Variants in ZNF525 observed in about 807,000 individuals in gnomAD.
ZNF525 encodes the protein zinc finger protein 525.
A neutral mutation model predicts 37.6 loss-of-function variants in ZNF525; 33 were observed. The ratio of observed to expected loss-of-function variants is 0.88; its 90% CI spans 0.67 to 1.17. ZNF525 has a LOEUF of 1.17. Among genes scored for constraint, ZNF525 ranks in the 50% most tolerant of loss-of-function variants. ZNF525 has a pLI of 0.00. For synonymous variants in ZNF525, 170 were observed against 182.3 expected, an observed-to-expected ratio of 0.93 and a Z score of 0.54; for missense variants, 449 against 543.1, an observed-to-expected ratio of 0.83 and a Z score of 1.72.
In ZNF525 at chr19:53,367,453, A is replaced by G. The variant is rs114263044; in HGVS notation, c.-68+1694A>G. On this transcript the variant is annotated intron_variant, in intron 1 of 3. Transcript: ENST00000474037. Reference sequence around the variant, plus strand: ...TTTAGGCACAGGCTGATATTTATACAGAGCTATTAGCTGAGTGGTAGTCTG... The same window carrying G: ...TTTAGGCACAGGCTGATATTTATACGGAGCTATTAGCTGAGTGGTAGTCTG... 5.9e-3 allele frequency among the ~76,000 whole-genome samples: 893 copies of G among 152,314 alleles called. 7 individuals are homozygous for G. Among genetic ancestry groups the G allele is most frequent in the African/African-American group, 0.019 (803 of 41,564 alleles).
At chr19:53,370,556 C>T (rs761478574) in intron 1 of ZNF525, among the ~76,000 whole-genome samples, 2 of 152,088 alleles carry the variant, frequency 1.3e-5, no homozygotes, top group African/African-American at 2.4e-5. Context: ...AAAAGCTCAA[C>T]CCGAGTGACC....
chr19:53,369,678 G>A (rs996608959), intron 1 of ZNF525, among the ~76,000 whole-genome samples: 8 of 145,500 alleles, frequency 5.5e-5, no homozygotes, highest in Admixed American at 2.1e-4. Flanking sequence ...ATTAAACGTC[G>A]GGAACCAAAG....
chr19:53,375,702 C>G, intron 2 of ZNF525, 68 bp from the exon 3 acceptor site: 4 of 1,613,346 alleles, frequency 2.5e-6, no homozygotes, highest in South Asian at 2.2e-5. Flanking sequence ...CCTCTCTCCT[C>G]TTCTCATTTT....
intron 3 of ZNF525, among the ~76,000 whole-genome samples, 178 bp from the exon 4 acceptor site, chr19:53,380,544 A>G (rs577748648): frequency 1.3e-5 from 2 of 152,304 alleles, no homozygotes; most frequent in South Asian, 4.1e-4. Flanking sequence ...TGTGCCCTTC[A>G]GTGTTTTGTC....
In ZNF525 at chr19:53,384,865, G is replaced by C; in HGVS notation, c.*2846G>C. 6 of 680,380 alleles carry C rather than the reference G, an allele frequency of 8.8e-6. No homozygotes were observed. The highest frequency in any genetic ancestry group is 6.3e-5 in the South Asian group (4 of 63,314). The allele number at this position is 680,380 out of a possible 1,614,324, so 42.1% of individuals were successfully genotyped here. A position where few individuals can be genotyped will look rare whatever the true frequency, so the allele number is the denominator to read the frequency against. ...GAGCATTCTTGCATCATGTGAGATC[G>C]TACAGGAAAGCATTCCATTTTCCCT... On this transcript the variant is annotated 3_prime_UTR_variant, in exon 4 of 4. Coordinates refer to ENST00000474037, the MANE Select transcript of ZNF525 (RefSeq NM_001348156.2).
chr19:53,371,879 G>A (rs1259732325), intron 1 of ZNF525, among the ~76,000 whole-genome samples: 1 of 152,096 alleles, frequency 6.6e-6, no homozygotes, highest in Non-Finnish European at 1.5e-5. Context: ...AAACTCCTGA[G>A]CTCAAGCGAT....
intron 1 of ZNF525, among the ~76,000 whole-genome samples, chr19:53,371,037 A>G (rs1269013992): frequency 2.0e-5 from 3 of 151,916 alleles, no homozygotes; most frequent in Non-Finnish European, 4.4e-5. Flanking sequence ...CTCTTAACCT[A>G]TGTCCCTAAA....
At chr19:53,369,715 CTTTTTTTTTTTTTTTTTTTT>C (rs57431960) in intron 1 of ZNF525, among the ~76,000 whole-genome samples, 861 of 81,254 alleles carry the variant, frequency 0.011, 92 homozygotes, top group African/African-American at 0.049. Context: ...AAAGAAGTTT[CTTTTTTTTTTTTTTTTTTTT>C]TTTTTTTTTG....
chr19:53,370,292 G>A (rs2085478125), intron 1 of ZNF525, among the ~76,000 whole-genome samples: 2 of 151,154 alleles, frequency 1.3e-5, no homozygotes, highest in African/African-American at 4.9e-5. Context: ...TTGGGTGGAT[G>A]CCTGTAGTCC....
intron 2 of ZNF525, among the ~76,000 whole-genome samples, chr19:53,374,251 G>A (rs981562263): frequency 1.3e-5 from 2 of 152,082 alleles, no homozygotes; most frequent in Non-Finnish European, 2.9e-5. Flanking sequence ...ACCTCAGTGT[G>A]TTTTGTTTTC....
chr19:53,377,175 C>G (rs1160724905), intron 3 of ZNF525, among the ~76,000 whole-genome samples: 1 of 152,006 alleles, frequency 6.6e-6, no homozygotes, highest in Non-Finnish European at 1.5e-5. Flanking sequence ...TTTTATTTGC[C>G]TATTTATTTA....
In ZNF525 at chr19:53,381,163, A is replaced by C. The variant is rs1247808544; in HGVS notation, c.584A>C (p.Asn195Thr). ...CATATATCTAATAACTATGGGGATA[A>C]TTTTCTGAATTATTCATTACTCACA... Reference protein sequence around the residue: ...KTHISNNYGDNFLNYSLLTQR... With the variant: ...KTHISNNYGDTFLNYSLLTQR... Residue 195 changes from asparagine to threonine, a missense_variant, in exon 4 of 4, where the codon AAT becomes ACT. Transcript: ENST00000474037. The C allele has an allele frequency of 1.5e-6, 2 of 1,364,972 alleles. No homozygotes were observed. Among genetic ancestry groups the C allele is most frequent in the African/African-American group, 1.4e-5 (1 of 69,916 alleles). 84.6% of individuals were successfully genotyped at this position (1,364,972 alleles called of 1,614,324 possible). A position where few individuals can be genotyped will look rare whatever the true frequency, so the allele number is the denominator to read the frequency against.
intron 1 of ZNF525, among the ~76,000 whole-genome samples, chr19:53,369,179 G>A (rs2085468179): frequency 6.6e-6 from 1 of 152,046 alleles, no homozygotes; most frequent in Non-Finnish European, 1.5e-5. Context: ...TGAAAACTTG[G>A]AGTTATAAGA....
At chr19:53,380,283 C>T (rs1318503197) in intron 3 of ZNF525, among the ~76,000 whole-genome samples, 2 of 151,958 alleles carry the variant, frequency 1.3e-5, no homozygotes, top group African/African-American at 2.4e-5. Flanking sequence ...CTTATCTTCT[C>T]AGTGCTATGA....
chr19:53,374,459 C>G (rs576681960), intron 2 of ZNF525, among the ~76,000 whole-genome samples: 6 of 152,318 alleles, frequency 3.9e-5, no homozygotes, highest in Admixed American at 1.3e-4. Context: ...CACGTGCCTG[C>G]ATTCCTACAG....
intron 3 of ZNF525, 74 bp downstream of exon 3, chr19:53,375,970 G>C: frequency 1.9e-6 from 3 of 1,607,280 alleles, no homozygotes; most frequent in Non-Finnish European, 1.7e-6. Context: ...TTTAGATAGA[G>C]TATCTCTCTC....
In ZNF525 at chr19:53,381,891, CTG is replaced by C. The variant is rs1452791789; in HGVS notation, c.1314_1315del (p.Tyr439GlnfsTer3). 4.0e-6 allele frequency: 4 copies of C among 997,388 alleles called. No homozygotes were observed. The African/African-American group carries it at 4.7e-5, about 12-fold the overall frequency. 61.8% of individuals were successfully genotyped at this position (997,388 alleles called of 1,614,324 possible). Reference sequence around the variant, plus strand: ...TAGGAGAATTCATAATGGAGAGAAACTGTACAAATGTAATGAGTGTGGCAAGA... The same window carrying C: ...TAGGAGAATTCATAATGGAGAGAAACTACAAATGTAATGAGTGTGGCAAGA... ...RHRRIHNGEK[L>X]YKCNECGKTF... is the part of the protein sequence containing the mutation. On this transcript the variant is annotated frameshift_variant, in exon 4 of 4. Coordinates refer to ENST00000474037, the MANE Select transcript of ZNF525 (RefSeq NM_001348156.2). LOFTEE classifies it high-confidence loss of function.
chr19:53,383,182 T>C lies in ZNF525; in HGVS notation c.*1163T>C. 1 of 1,375,770 alleles carries C rather than the reference T, an allele frequency of 7.3e-7. No individual in the cohort carries two copies. The highest frequency in any genetic ancestry group is 1.2e-5 in the South Asian group (1 of 86,686). The allele number at this position is 1,375,770 out of a possible 1,614,324, so 85.2% of individuals were successfully genotyped here. ...GTAATGAGTGTGGCAAGACCTACTC[T>C]CACAATTCAGTCCTTGTAATTCATA... On this transcript the variant is annotated 3_prime_UTR_variant, in exon 4 of 4. Transcript: ENST00000474037.
chr19:53,385,096 C>A lies in ZNF525; in HGVS notation c.*3077C>A. ...CATTGATTTGCTTGAATATGTTGAACCATCCTTGCATCCCAGAAATAACTG... is the reference window on the plus strand; with the variant it reads ...CATTGATTTGCTTGAATATGTTGAAACATCCTTGCATCCCAGAAATAACTG... On this transcript the variant is annotated 3_prime_UTR_variant, in exon 4 of 4. Transcript: ENST00000474037. The A allele has an allele frequency of 1.8e-6, 1 of 557,500 alleles. No individual in the cohort carries two copies. The highest frequency in any genetic ancestry group is 3.2e-6 in the Non-Finnish European group (1 of 312,502). The allele number at this position is 557,500 out of a possible 1,614,324, so 34.5% of individuals were successfully genotyped here.
Sources: gnomAD v4.1 joint callset for allele counts (sites outside exome capture counted in the v4.1 genomes callset) on GRCh38, gnomAD v4.1.1 for gene constraint, MANE v1.5 for transcripts, NCBI Gene and HGNC (gene_info 2026-07-23, HGNC 2026-07-21) for gene names.